Variants in ETAA1 observed in about 807,000 individuals in gnomAD.
ETAA1 encodes ETAA1 activator of ATR kinase, also known as ewing's tumor-associated antigen 1.
A neutral mutation model predicts 76.8 loss-of-function variants in ETAA1; 49 were observed. The ratio of observed to expected loss-of-function variants is 0.64; its 90% CI spans 0.51 to 0.81. The LOEUF is 0.81. Ranked by LOEUF, ETAA1 falls within the 30% of genes least tolerant of loss-of-function variation. The probability of loss-of-function intolerance (pLI) is 0.00; values close to 1 mark genes in which losing one functional copy is unlikely to be tolerated. For synonymous variants in ETAA1, 373 were observed against 372.2 expected, an observed-to-expected ratio of 1.00 and a Z score of -0.03; for missense variants, 1,099 against 1,074.0, an observed-to-expected ratio of 1.02 and a Z score of -0.32.
At chr2:67,406,558 C>T (rs1357842196) in intron 5 of ETAA1, among the ~76,000 whole-genome samples, 1 of 151,932 alleles carries the variant, frequency 6.6e-6, no homozygotes. Flanking sequence ...TAGTAATATG[C>T]TAGTTATTTA....
chr2:67,402,779 C>CT lies in ETAA1; in HGVS notation c.430-77dup, dbSNP rs1299911169. The CT allele has an allele frequency of 3.4e-6, 3 of 890,428 alleles. No homozygotes were observed. In the African/African-American group the frequency reaches 5.3e-5, roughly 16 times the overall value. 55.2% of individuals were successfully genotyped at this position (890,428 alleles called of 1,614,324 possible). A position where few individuals can be genotyped will look rare whatever the true frequency, so the allele number is the denominator to read the frequency against. ...ATTCAAAATCATTAGTTTTTATTGT[C>CT]TTTTTTCTTTCTTTTGTTTTTTTGG... On this transcript the variant is annotated intron_variant, in intron 3 of 5. Coordinates refer to ENST00000272342, the MANE Select transcript of ETAA1 (RefSeq NM_019002.4).
In ETAA1 at chr2:67,397,337, A is replaced by G. The variant is rs1022130930; in HGVS notation, c.-112A>G. Reference sequence around the variant, plus strand: ...GCCGCCTCTTGCGCGCGCCCCACCGACCAAAATGGCGGCTGCCGTTGGTGC... The same window carrying G: ...GCCGCCTCTTGCGCGCGCCCCACCGGCCAAAATGGCGGCTGCCGTTGGTGC... On this transcript the variant is annotated 5_prime_UTR_variant, in exon 1 of 6. Coordinates refer to ENST00000272342, the MANE Select transcript of ETAA1 (RefSeq NM_019002.4). 5 of 1,191,894 alleles carry G rather than the reference A, an allele frequency of 4.2e-6. No homozygotes were observed. In the African/African-American group the frequency reaches 4.5e-5, roughly 11 times the overall value. The allele number at this position is 1,191,894 out of a possible 1,614,324, so 73.8% of individuals were successfully genotyped here. A position where few individuals can be genotyped will look rare whatever the true frequency, so the allele number is the denominator to read the frequency against.
Position 67,404,190 on chromosome 2 carries a change from T to C in ETAA1, c.1508T>C (p.Leu503Pro), listed in dbSNP as rs767981190. ...EIQNCIVTSN[L>P]TKIKEDILTN... ...CAAAATTGTATAGTTACATCTAATC[T>C]GACAAAAATAAAGGAAGATATTCTT... Residue 503 changes from leucine to proline, a missense_variant, in exon 5 of 6, where the codon CTG (leucine) becomes CCG (proline). Coordinates refer to ENST00000272342, the MANE Select transcript of ETAA1 (RefSeq NM_019002.4). 4 of 1,609,562 alleles carry C rather than the reference T, an allele frequency of 2.5e-6. No homozygotes were observed. Among genetic ancestry groups the C allele is most frequent in the Non-Finnish European group, 3.4e-6 (4 of 1,178,186 alleles).
At position 67,397,376 on chromosome 2, in the gene ETAA1, T is replaced by A. The variant is rs1480217444; in HGVS notation, c.-73T>A. The A allele has an allele frequency of 6.9e-7, 1 of 1,458,214 alleles. No individual in the cohort carries two copies. The highest frequency in any genetic ancestry group is 2.5e-5 in the East Asian group (1 of 40,476). 90.3% of individuals were successfully genotyped at this position (1,458,214 alleles called of 1,614,324 possible). ...TGCCGTTGGTGCGGGGTGCGGTTTG[T>A]AGTGCTGTTGCCCTACTCATCCCTT... On this transcript the variant is annotated 5_prime_UTR_variant, in exon 1 of 6. An upstream open reading frame in the 5' UTR loses its in-frame stop. Transcript: ENST00000272342.
At chr2:67,402,030 T>C (rs560735633) in intron 3 of ETAA1, 1 of 151,966 alleles carries the variant, frequency 6.6e-6, no homozygotes, top group South Asian at 2.1e-4. Flanking sequence ...AATCTAGTAG[T>C]AAAATTATTT....
Position 67,410,302 on chromosome 2 carries a change from A to G in ETAA1, c.*264A>G, listed in dbSNP as rs1558583901. ...GGATATTATACAGAGGAAAGTAGTT[A>G]TATTTTTAAATGCTATTATTGCAGA... On this transcript the variant is annotated 3_prime_UTR_variant, in exon 6 of 6. Transcript: ENST00000272342. 6 of 279,164 alleles carry G rather than the reference A, an allele frequency of 2.1e-5. No homozygotes were observed. In the East Asian group the frequency reaches 3.9e-4, roughly 18 times the overall value. 17.3% of individuals were successfully genotyped at this position (279,164 alleles called of 1,614,324 possible).
In ETAA1 at chr2:67,404,865, C is replaced by G. The variant is rs1375462896; in HGVS notation, c.2183C>G (p.Pro728Arg). Residue 728 changes from proline (P) to arginine (R), a missense_variant, in exon 5 of 6, where the codon CCA (proline) becomes CGA (arginine). By Grantham distance (103) the Pro-to-Arg change is moderately radical. This residue lies in a region of ETAA1 where 302 missense variants were observed against 278.1 expected (regional missense o/e 1.09). Coordinates refer to ENST00000272342, the MANE Select transcript of ETAA1 (RefSeq NM_019002.4). ...AAAGGGGAAATGTATGGAAATTCTC[C>G]AAGATTTTTAGGTGCCACAAATTTG... ...MEKGEMYGNS[P>R]RFLGATNLTM... is the part of the protein sequence containing the mutation. The G allele has an allele frequency of 6.2e-7, 1 of 1,612,720 alleles. No individual in the cohort carries two copies. The highest frequency in any genetic ancestry group is 8.5e-7 in the Non-Finnish European group (1 of 1,179,312).
Position 67,403,505 on chromosome 2 carries a change from G to T in ETAA1, c.823G>T (p.Asp275Tyr). 2 of 1,613,464 alleles carry T rather than the reference G, an allele frequency of 1.2e-6. No individual in the cohort carries two copies. Among genetic ancestry groups the T allele is most frequent in the South Asian group, 2.2e-5 (2 of 91,028 alleles). The change falls in exon 5 of 6, where the codon GAC (aspartate) becomes TAC (tyrosine). Residue 275 changes from aspartate (D) to tyrosine (Y), a missense_variant. Around this residue, in one of 3 missense-constraint regions of ETAA1, gnomAD observed 761 missense variants for 731.9 expected, o/e 1.04. Coordinates refer to ENST00000272342, the MANE Select transcript of ETAA1 (RefSeq NM_019002.4). ...TCAAAATAGCAGTCAGAAGCCATTTGACCAAATTGCTGAAGCAGCCTTTAA... is the reference window on the plus strand; with the variant it reads ...TCAAAATAGCAGTCAGAAGCCATTTTACCAAATTGCTGAAGCAGCCTTTAA... Reference protein sequence around the residue: ...NNQNSSQKPFDQIAEAAFNAI... With the variant: ...NNQNSSQKPFYQIAEAAFNAI...
In ETAA1 at chr2:67,403,383, A is replaced by G. The variant is rs1676110017; in HGVS notation, c.701A>G (p.Asn234Ser). 4 of 1,605,066 alleles carry G rather than the reference A, an allele frequency of 2.5e-6. No individual in the cohort carries two copies. Among genetic ancestry groups the G allele is most frequent in the Middle Eastern group, 1.7e-4 (1 of 6,046 alleles). ...ETEILSNYKD[N>S]IQMWSLHNIV... Reference sequence around the variant, plus strand: ...GAGATTTTAAGTAATTATAAAGATAATATACAGATGTGGTCATTACATAAT... The same window carrying G: ...GAGATTTTAAGTAATTATAAAGATAGTATACAGATGTGGTCATTACATAAT... Residue 234 changes from asparagine (N) to serine (S), a missense_variant, in exon 5 of 6, where the codon AAT (asparagine) becomes AGT (serine). By Grantham distance (46) the Asn-to-Ser change is conservative. Transcript: ENST00000272342.
rs1275847996 is a variant in ETAA1, at chr2:67,403,948, A to G, written c.1266A>G (p.Lys422=). 6.2e-7 allele frequency: 1 copy of G among 1,609,940 alleles called. No individual in the cohort carries two copies. Among genetic ancestry groups the G allele is most frequent in the Admixed American group, 1.7e-5 (1 of 59,098 alleles). ...AGGAAATTTGTACCTTTAATAGTAAAACTGTTAAAAATACGTCAAGAGCAA... is the reference window on the plus strand; with the variant it reads ...AGGAAATTTGTACCTTTAATAGTAAGACTGTTAAAAATACGTCAAGAGCAA... ...DQKEICTFNS[K]TVKNTSRANT... is the part of the protein sequence containing the mutation. Residue 422 remains lysine (K), a synonymous_variant, in exon 5 of 6, where the codon AAA becomes AAG. Coordinates refer to ENST00000272342, the MANE Select transcript of ETAA1 (RefSeq NM_019002.4).
chr2:67,397,865 C>G (rs1421277947), intron 1 of ETAA1, among the ~76,000 whole-genome samples, 194 bp downstream of exon 1: 1 of 152,142 alleles, frequency 6.6e-6, no homozygotes, highest in Non-Finnish European at 1.5e-5. Flanking sequence ...AGCACTACCC[C>G]GTTAGGTTTG....
chr2:67,409,838 G>A lies in ETAA1; in HGVS notation c.2654-73G>A, dbSNP rs749346323. ...TGGCAAATCTGGGTGATTAAAAAAAGCAAAAATTAAAGCACATATTGAATG... is the reference window on the plus strand; with the variant it reads ...TGGCAAATCTGGGTGATTAAAAAAAACAAAAATTAAAGCACATATTGAATG... On this transcript the variant is annotated intron_variant, in intron 5 of 5. Transcript: ENST00000272342. 1.3e-3 allele frequency: 1,828 copies of A among 1,449,194 alleles called. 3 individuals are homozygous for A. Among genetic ancestry groups the A allele is most frequent in the Non-Finnish European group, 1.6e-3 (1,689 of 1,078,216 alleles). The allele number at this position is 1,449,194 out of a possible 1,614,324, so 89.8% of individuals were successfully genotyped here. A position where few individuals can be genotyped will look rare whatever the true frequency, so the allele number is the denominator to read the frequency against.
rs114341410 is a variant in ETAA1, at chr2:67,407,226, A to G, written c.2653+1891A>G. 6.1e-3 allele frequency among the ~76,000 whole-genome samples: 919 copies of G among 150,038 alleles called. 15 individuals are homozygous for G. The highest frequency in any genetic ancestry group is 0.022 in the African/African-American group (890 of 40,614). On this transcript the variant is annotated intron_variant, in intron 5 of 5. Transcript: ENST00000272342. ...TGGATCACACATAAGATACACTGAC[A>G]CTAACAACAGCTGATGAACTAAAAA...
rs2103740151 is a variant in ETAA1 at position 67,399,174 on chromosome 2, T to C, written c.229T>C (p.Tyr77His). Residue 77 changes from tyrosine to histidine, a missense_variant, in exon 2 of 6, where the codon TAT becomes CAT. Physicochemically the swap from Tyr to His is moderately conservative, Grantham distance 83. Transcript: ENST00000272342. ...TTTACTCATATTTTATATAGAAAGG[T>C]ATGAAACACCAAAGAGAGCGCTGAA... is the stretch of plus-strand genomic sequence containing the variant. ...LCSKSNPEER[Y>H]ETPKRALKMD... The C allele has an allele frequency of 1.2e-6, 2 of 1,610,852 alleles. No homozygotes were observed. The highest frequency in any genetic ancestry group is 1.7e-4 in the Middle Eastern group (1 of 6,048).
chr2:67,405,811 T>C (rs1376823748), intron 5 of ETAA1, among the ~76,000 whole-genome samples: 2 of 152,134 alleles, frequency 1.3e-5, no homozygotes, highest in African/African-American at 4.8e-5. Flanking sequence ...ATAAACGTGC[T>C]AGCGGTGATG....
chr2:67,403,554 A>T lies in ETAA1; in HGVS notation c.872A>T (p.Gln291Leu). 6.2e-7 allele frequency: 1 copy of T among 1,613,512 alleles called. No individual in the cohort carries two copies. Among genetic ancestry groups the T allele is most frequent in the Non-Finnish European group, 8.5e-7 (1 of 1,179,480 alleles). The change falls in exon 5 of 6, where the codon CAG becomes CTG. Residue 291 changes from glutamine to leucine, a missense_variant. Gln to Leu is a moderately radical substitution (Grantham distance 113). This residue lies in a region of ETAA1 where 761 missense variants were observed against 731.9 expected (regional missense o/e 1.04). Transcript: ENST00000272342. Reference protein sequence around the residue: ...AFNAIFDGSTQKCSGQLSQEL... With the variant: ...AFNAIFDGSTLKCSGQLSQEL... Reference sequence around the variant, plus strand: ...AATGCTATTTTTGATGGTTCTACTCAGAAATGTAGCGGACAGTTAAGCCAA... The same window carrying T: ...AATGCTATTTTTGATGGTTCTACTCTGAAATGTAGCGGACAGTTAAGCCAA...
chr2:67,403,267 T>G lies in ETAA1; in HGVS notation c.585T>G (p.Ala195=), dbSNP rs184752748. Residue 195 remains alanine (A), a synonymous_variant, in exon 5 of 6, where the codon GCT becomes GCG. Coordinates refer to ENST00000272342, the MANE Select transcript of ETAA1 (RefSeq NM_019002.4). ...QSQEEELMKL[A]KQFDKNMEEL... ...AAGAAGAAGAACTTATGAAACTGGC[T>G]AAACAATTTGATAAAAATATGGAAG... is the stretch of plus-strand genomic sequence containing the variant. The G allele has an allele frequency of 2.2e-4, 350 of 1,589,588 alleles. No homozygotes were observed. Among genetic ancestry groups the G allele is most frequent in the Non-Finnish European group, 2.8e-4 (327 of 1,171,928 alleles).
intron 5 of ETAA1, among the ~76,000 whole-genome samples, chr2:67,406,928 A>G (rs1676237182): frequency 6.6e-6 from 1 of 152,062 alleles, no homozygotes; most frequent in Non-Finnish European, 1.5e-5. Flanking sequence ...TTTCTCTGTG[A>G]TGGAAGTTTG....
chr2:67,399,903 C>T (rs1676005055), intron 3 of ETAA1, among the ~76,000 whole-genome samples: 1 of 99,832 alleles, frequency 1.0e-5, no homozygotes, highest in African/African-American at 4.0e-5. Flanking sequence ...TAATGTTGTG[C>T]TTAACAACAT....
Sources: gnomAD v4.1 joint callset for allele counts (sites outside exome capture counted in the v4.1 genomes callset) on GRCh38, gnomAD v4.1.1 for gene constraint, gnomAD v4.1.1 regional missense constraint, MANE v1.5 for transcripts, NCBI Gene and HGNC (gene_info 2026-07-23, HGNC 2026-07-21) for gene names.